Variants in GALNTL6 observed in about 807,000 individuals in gnomAD.
GALNTL6 encodes the protein polypeptide N-acetylgalactosaminyltransferase-like 6.
A neutral mutation model predicts 73.7 loss-of-function variants in GALNTL6; 46 were observed. That is an observed-to-expected ratio of 0.62 (90% CI 0.49 to 0.80). The LOEUF (loss-of-function observed/expected upper bound fraction) is 0.80. Ranked by LOEUF, GALNTL6 falls within the 30% of genes least tolerant of loss-of-function variation. The pLI, the probability that GALNTL6 is intolerant of heterozygous loss-of-function variation, is 0.00. For missense variants in GALNTL6, 604 were observed against 755.0 expected (o/e 0.80, Z 2.34); for synonymous variants, 259 against 263.7 (o/e 0.98, Z 0.17).
rs71644829 is a variant in GALNTL6 at position 172,680,935 on chromosome 4, C to G, written c.554-128426C>G. 8.5e-3 allele frequency among the ~76,000 whole-genome samples: 1,296 copies of G among 152,258 alleles called. 9 individuals are homozygous for G. The highest frequency in any genetic ancestry group is 0.015 in the Non-Finnish European group (1,042 of 68,010). ...AATTATAATCAGCAGTGGCTAGGCT[C>G]TTTTACAACAGAGTCAAAAACAGAA... On this transcript the variant is annotated intron_variant, in intron 5 of 12. Transcript: ENST00000506823.
intron 2 of GALNTL6, among the ~76,000 whole-genome samples, chr4:171,843,147 T>G (rs568762955): frequency 6.6e-6 from 1 of 152,264 alleles, no homozygotes; most frequent in Admixed American, 6.5e-5. Flanking sequence ...TAGTTTAGTT[T>G]TAATGGTTTT....
chr4:171,820,381 G>T (rs1734648510), intron 2 of GALNTL6, among the ~76,000 whole-genome samples: 1 of 152,160 alleles, frequency 6.6e-6, no homozygotes, highest in Non-Finnish European at 1.5e-5. Context: ...GCAAAAAGAT[G>T]TGAACTGAAT....
chr4:172,055,737 CACTT>C (rs1731003082), intron 2 of GALNTL6, among the ~76,000 whole-genome samples: 1 of 152,174 alleles, frequency 6.6e-6, no homozygotes, highest in South Asian at 2.1e-4. Context: ...AAAGTAATAA[CACTT>C]ACTGATAGAA....
intron 8 of GALNTL6, among the ~76,000 whole-genome samples, chr4:172,896,247 G>T (rs1746324931): frequency 6.6e-6 from 1 of 152,130 alleles, no homozygotes; most frequent in Non-Finnish European, 1.5e-5. Context: ...GCCCAGTTTT[G>T]TTTGTGCCTG....
chr4:172,494,165 G>A (rs1006430741), intron 5 of GALNTL6, among the ~76,000 whole-genome samples: 1 of 152,146 alleles, frequency 6.6e-6, no homozygotes, highest in Non-Finnish European at 1.5e-5. Flanking sequence ...AAAATAAAAT[G>A]TATTCACTGC....
intron 5 of GALNTL6, among the ~76,000 whole-genome samples, chr4:172,794,085 A>G (rs1187839524): frequency 1.3e-5 from 2 of 152,186 alleles, no homozygotes; most frequent in African/African-American, 4.8e-5. Flanking sequence ...TTGTTTTTCA[A>G]TGTTTATTGT....
intron 2 of GALNTL6, among the ~76,000 whole-genome samples, chr4:172,138,661 C>T (rs2111033745): frequency 6.8e-6 from 1 of 148,024 alleles, no homozygotes; most frequent in African/African-American, 2.5e-5. Flanking sequence ...TCCCGAGTAG[C>T]TGCGACTACA....
chr4:172,648,512 TA>T (rs1422111225), intron 5 of GALNTL6, among the ~76,000 whole-genome samples: 5 of 152,148 alleles, frequency 3.3e-5, no homozygotes, highest in African/African-American at 1.2e-4. Flanking sequence ...ATTTTATTCA[TA>T]AGAAAACTAA....
rs761483452 is a variant in GALNTL6, at chr4:172,311,659, A to G, written c.293A>G (p.His98Arg). The change falls in exon 4 of 13, where the codon CAT becomes CGT. Residue 98 changes from histidine to arginine, a missense_variant. Physicochemically the swap from His to Arg is conservative, Grantham distance 29 (BLOSUM62 0). This residue lies in a region of GALNTL6 where 141 missense variants were observed against 156.6 expected (regional missense o/e 0.90). Coordinates refer to ENST00000506823, the MANE Select transcript of GALNTL6 (RefSeq NM_001034845.3). Reference sequence around the variant, plus strand: ...CCTTACCCCCTTACTGAAGAGGACCATGATGACTCAGCTTACAGGGAAAAT... The same window carrying G: ...CCTTACCCCCTTACTGAAGAGGACCGTGATGACTCAGCTTACAGGGAAAAT... ...GKPYPLTEED[H>R]DDSAYRENGF... 62 of 1,612,452 alleles carry G rather than the reference A, an allele frequency of 3.8e-5. No homozygotes were observed. In the East Asian group the frequency reaches 5.6e-4, roughly 15 times the overall value.
chr4:172,361,313 T>C lies in GALNTL6; in HGVS notation c.553+12624T>C, dbSNP rs202065477. On this transcript the variant is annotated intron_variant, in intron 5 of 12. Coordinates refer to ENST00000506823, the MANE Select transcript of GALNTL6 (RefSeq NM_001034845.3). ...TTATTGAGTACTATGAAGGTCCTTT[T>C]TCCTGAGAGAAATTACAAGTCATCA... 2.8e-4 allele frequency among the ~76,000 whole-genome samples: 42 copies of C among 152,008 alleles called. No individual in the cohort carries two copies. The East Asian group carries it at 6.6e-3, about 24-fold the overall frequency.
intron 5 of GALNTL6, among the ~76,000 whole-genome samples, chr4:172,752,519 TGAAACA>T (rs1486813305): frequency 6.6e-6 from 1 of 152,090 alleles, no homozygotes; most frequent in African/African-American, 2.4e-5. Flanking sequence ...ATTTAGTAAA[TGAAACA>T]TAAGTTGCTT....
At chr4:172,959,648 A>C (rs1037846648) in intron 10 of GALNTL6, among the ~76,000 whole-genome samples, 1 of 151,782 alleles carries the variant, frequency 6.6e-6, no homozygotes, top group African/African-American at 2.4e-5. Context: ...CGCTAAGCTG[A>C]GAAGATCTGG....
intron 2 of GALNTL6, among the ~76,000 whole-genome samples, chr4:172,096,071 T>G (rs1464485065): frequency 7.6e-6 from 1 of 131,372 alleles, no homozygotes; most frequent in African/African-American, 2.7e-5. Context: ...TCGATTTCTC[T>G]CTCTCTCTCT....
chr4:172,510,698 T>C lies in GALNTL6; in HGVS notation c.553+162009T>C, dbSNP rs1377161649. Among the ~76,000 whole-genome samples, 2 of 55,280 alleles carry C rather than the reference T, an allele frequency of 3.6e-5. 1 individual carries two copies. 36.3% of individuals were successfully genotyped at this position (55,280 alleles called of 152,430 possible). ...ATTTATTCTGGGTCTATTGAGATGA[T>C]CATGTGATTTTTTGTTTTTAATTCT... On this transcript the variant is annotated intron_variant, in intron 5 of 12. Transcript: ENST00000506823.
chr4:172,337,386 G>A (rs755835670), intron 4 of GALNTL6, among the ~76,000 whole-genome samples: 12 of 152,100 alleles, frequency 7.9e-5, no homozygotes, highest in South Asian at 2.1e-4. Context: ...TATGGGCTAC[G>A]TACTTAAGTG....
chr4:172,334,399 AT>A (rs1479293342), intron 4 of GALNTL6, among the ~76,000 whole-genome samples: 1 of 151,984 alleles, frequency 6.6e-6, no homozygotes, highest in Non-Finnish European at 1.5e-5. Flanking sequence ...ATATTTTTCC[AT>A]TTGTTTTATC....
chr4:171,894,441 ACTACT>A (rs1736851058), intron 2 of GALNTL6, among the ~76,000 whole-genome samples: 1 of 152,244 alleles, frequency 6.6e-6, no homozygotes, highest in African/African-American at 2.4e-5. Context: ...ATTGCACAAG[ACTACT>A]CTAGATAGGC....
intron 2 of GALNTL6, among the ~76,000 whole-genome samples, chr4:171,887,197 G>A (rs1303167423): frequency 1.1e-4 from 17 of 152,092 alleles, no homozygotes; most frequent in Non-Finnish European, 1.0e-4. Flanking sequence ...CCTTTGTGAG[G>A]GAGGAACTCT....
chr4:172,212,700 T>C (rs193103350), intron 2 of GALNTL6, among the ~76,000 whole-genome samples: 1 of 152,072 alleles, frequency 6.6e-6, no homozygotes, highest in African/African-American at 2.4e-5. Flanking sequence ...GGAGTTTCGC[T>C]CTTGTTGCCC....
Sources: allele counts gnomAD v4.1 joint callset (sites outside exome capture counted in the v4.1 genomes callset), GRCh38; gene constraint gnomAD v4.1.1; regional missense constraint gnomAD v4.1.1; transcripts MANE v1.5; gene names NCBI Gene and HGNC (gene_info 2026-07-23, HGNC 2026-07-21).